ZBTB20: variants seen among roughly 807,000 people sequenced by gnomAD.
ZBTB20 encodes zinc finger and BTB domain containing 20, also known as zinc finger and BTB domain-containing protein 20.
Under a neutral mutation model 56.9 loss-of-function variants are expected in ZBTB20, and 9 were observed. The observed-to-expected ratio is 0.16, with a 90% CI of 0.10 to 0.28. The LOEUF is 0.28. Ranked by LOEUF, ZBTB20 falls within the 10% of genes least tolerant of loss-of-function variation. The pLI is 1.00. For synonymous variants in ZBTB20, 417 were observed against 420.7 expected (o/e 0.99, Z 0.11); for missense variants, 655 against 1,003.0 (o/e 0.65, Z 4.69).
At chr3:114,661,973 A>G (rs1201440972) in intron 6 of ZBTB20, among the ~76,000 whole-genome samples, 1 of 151,412 alleles carries the variant, frequency 6.6e-6, no homozygotes, top group Non-Finnish European at 1.5e-5. Flanking sequence ...TTACATATGT[A>G]TACATGTGCC....
At chr3:114,983,970 C>A (rs2108103482) in intron 2 of ZBTB20, among the ~76,000 whole-genome samples, 1 of 151,876 alleles carries the variant, frequency 6.6e-6, no homozygotes, top group Non-Finnish European at 1.5e-5. Context: ...ATATTATTGC[C>A]CAGTTGACGT....
intron 6 of ZBTB20, among the ~76,000 whole-genome samples, chr3:114,592,269 TATATC>T (rs2055845166): frequency 6.6e-6 from 1 of 152,200 alleles, no homozygotes; most frequent in Admixed American, 6.5e-5. Flanking sequence ...TACGTGGAGT[TATATC>T]ATAATACTAG....
intron 8 of ZBTB20, among the ~76,000 whole-genome samples, chr3:114,384,616 G>C (rs993255023): frequency 6.6e-6 from 1 of 152,214 alleles, no homozygotes; most frequent in Non-Finnish European, 1.5e-5. Flanking sequence ...TATGAGAAAA[G>C]GCTGCTTCAA....
At position 114,425,325 on chromosome 3, in the gene ZBTB20, T is replaced by C. The variant is rs142781471; in HGVS notation, c.-254-36220A>G. On this transcript the variant is annotated intron_variant, in intron 7 of 11. Transcript: ENST00000675478. ...GGACAAGTCCCCCACTGAGGCAGCATAGCAGAGGTGAAGGGGCACTTGAAG... is the reference window on the plus strand; with the variant it reads ...GGACAAGTCCCCCACTGAGGCAGCACAGCAGAGGTGAAGGGGCACTTGAAG... Among the ~76,000 whole-genome samples the C allele has an allele frequency of 2.4e-3, 366 of 152,324 alleles. 12 individuals are homozygous for C. The South Asian group carries it at 0.049, about 20-fold the overall frequency.
chr3:114,972,717 T>A (rs2077936352), intron 3 of ZBTB20, among the ~76,000 whole-genome samples: 1 of 152,190 alleles, frequency 6.6e-6, no homozygotes, highest in Non-Finnish European at 1.5e-5. Flanking sequence ...AAAAGCGATA[T>A]TCTTTCTCCC....
At chr3:115,011,830 A>AT (rs1487247437) in intron 2 of ZBTB20, among the ~76,000 whole-genome samples, 2 of 151,982 alleles carry the variant, frequency 1.3e-5, no homozygotes, top group Non-Finnish European at 2.9e-5. Flanking sequence ...TGATGAACCG[A>AT]TAAAAAAAAT....
intron 7 of ZBTB20, among the ~76,000 whole-genome samples, chr3:114,431,224 G>A (rs537149299): frequency 2.3e-4 from 35 of 152,204 alleles, no homozygotes; most frequent in Middle Eastern, 3.4e-3. Flanking sequence ...AAAGTGAAAC[G>A]ATGAAAAGGG....
Position 114,339,126 on chromosome 3 carries a change from C to A in ZBTB20, c.2105G>T (p.Gly702Val). Residue 702 changes from glycine (G) to valine (V), a missense_variant, in exon 12 of 12, where the codon GGC becomes GTC. Coordinates refer to ENST00000675478, the MANE Select transcript of ZBTB20 (RefSeq NM_001348800.3). This position sits in a 1 kb window ranked among gnomAD's most constrained non-coding sequence, Gnocchi z 4.2. ...PAGTPPGARA[G>V]PPGVVACTEG... The stretch of plus-strand genomic sequence containing the variant: ...CGTGCAGGCCACCACGCCTGGGGGG[C>A]CAGCGCGGGCACCTGGGGGTGTGCC... The A allele has an allele frequency of 1.2e-6, 2 of 1,611,118 alleles. No individual in the cohort carries two copies. Among genetic ancestry groups the A allele is most frequent in the Non-Finnish European group, 1.7e-6 (2 of 1,178,080 alleles).
At chr3:115,081,553 T>A (rs2082796898) in intron 1 of ZBTB20, among the ~76,000 whole-genome samples, 1 of 152,106 alleles carries the variant, frequency 6.6e-6, no homozygotes, top group African/African-American at 2.4e-5. Context: ...TAATAGATAT[T>A]TAGATTTATA....
intron 7 of ZBTB20, among the ~76,000 whole-genome samples, chr3:114,442,166 C>A (rs2090972547): frequency 2.0e-5 from 3 of 152,090 alleles, no homozygotes. Context: ...GCCCAAGAGG[C>A]AATACCAAGT....
chr3:114,804,668 G>A (rs1455143766), intron 4 of ZBTB20, among the ~76,000 whole-genome samples: 1 of 151,674 alleles, frequency 6.6e-6, no homozygotes, highest in Non-Finnish European at 1.5e-5. Context: ...AAATATATGA[G>A]AGAGGGCAGA....
At chr3:114,584,816 G>C (rs2055008871) in intron 6 of ZBTB20, among the ~76,000 whole-genome samples, 1 of 152,150 alleles carries the variant, frequency 6.6e-6, no homozygotes, top group Non-Finnish European at 1.5e-5. Flanking sequence ...GTACGAGAAT[G>C]CAAGTTTTTT....
intron 6 of ZBTB20, among the ~76,000 whole-genome samples, chr3:114,587,997 T>C (rs1202155898): frequency 6.6e-6 from 1 of 152,236 alleles, no homozygotes; most frequent in Non-Finnish European, 1.5e-5. Context: ...CTCCGTGCTA[T>C]GAATGGAGGG....
intron 4 of ZBTB20, among the ~76,000 whole-genome samples, chr3:114,848,553 C>T (rs917853733): frequency 6.6e-6 from 1 of 152,154 alleles, no homozygotes; most frequent in Non-Finnish European, 1.5e-5. Flanking sequence ...AAGGGCCCCA[C>T]GTGCTTAAAT....
chr3:114,776,032 CTTTTTTTT>C (rs11324801), intron 5 of ZBTB20, among the ~76,000 whole-genome samples: 1 of 135,548 alleles, frequency 7.4e-6, no homozygotes, highest in African/African-American at 2.7e-5. Flanking sequence ...AATTTTTTTT[CTTTTTTTT>C]TTTTTTTTTA....
At position 114,773,419 on chromosome 3, in the gene ZBTB20, C is replaced by T. The variant is rs532629193; in HGVS notation, c.-343+27682G>A. On this transcript the variant is annotated intron_variant, in intron 5 of 11. Coordinates refer to ENST00000675478, the MANE Select transcript of ZBTB20 (RefSeq NM_001348800.3). ...ATAGAGTAAAGAATTGGGACAGGAA[C>T]CACTACTATGAAAAAAGAAAGTTCT... 2.4e-4 allele frequency among the ~76,000 whole-genome samples: 36 copies of T among 152,228 alleles called. 1 individual carries two copies. Among genetic ancestry groups the T allele is most frequent in the South Asian group, 1.0e-3 (5 of 4,826 alleles).
At chr3:114,375,328 T>A (rs2083485279) in intron 10 of ZBTB20, among the ~76,000 whole-genome samples, 1 of 152,186 alleles carries the variant, frequency 6.6e-6, no homozygotes. Flanking sequence ...GTTCAAACAG[T>A]TATTTTGAAA....
chr3:114,421,532 G>A (rs1001789821), intron 7 of ZBTB20, among the ~76,000 whole-genome samples: 1 of 152,136 alleles, frequency 6.6e-6, no homozygotes, highest in African/African-American at 2.4e-5. Flanking sequence ...GGGTCATGCC[G>A]TAGCCTAACA....
At chr3:115,120,095 ATGG>A (rs1159050972) in intron 1 of ZBTB20, among the ~76,000 whole-genome samples, 4 of 152,158 alleles carry the variant, frequency 2.6e-5, no homozygotes, top group Non-Finnish European at 5.9e-5. Context: ...GAGTCTTATA[ATGG>A]TGGGTACATA....
Sources: allele counts gnomAD v4.1 joint callset (sites outside exome capture counted in the v4.1 genomes callset), GRCh38; gene constraint gnomAD v4.1.1; non-coding constraint Gnocchi (gnomAD v3.1); transcripts MANE v1.5; gene names NCBI Gene and HGNC (gene_info 2026-07-23, HGNC 2026-07-21).